The following POLR1B variants were observed in gnomAD, a reference collection of about 807,000 sequenced individuals.
POLR1B encodes the protein RNA polymerase I subunit B, also known as DNA-directed RNA polymerase I subunit RPA2.
A neutral mutation model predicts 105.8 loss-of-function variants in POLR1B; 30 were observed. That is an observed-to-expected ratio of 0.28 (90% confidence interval 0.21 to 0.38). The LOEUF (loss-of-function observed/expected upper bound fraction) is 0.38. POLR1B is among the 10% of genes least tolerant of loss of function. The probability of loss-of-function intolerance (pLI) is 1.00; values close to 1 mark genes in which losing one functional copy is unlikely to be tolerated. For synonymous variants in POLR1B, 485 were observed against 505.1 expected (o/e 0.96, Z 0.53); for missense variants, 976 against 1,435.8 (o/e 0.68, Z 5.17).
intron 11 of POLR1B, 53 bp from the exon 12 acceptor site, chr2:112,568,693 T>G (rs1269033920): frequency 6.3e-7 from 1 of 1,579,302 alleles, no homozygotes; most frequent in African/African-American, 1.3e-5. Flanking sequence ...ATGGTAAGAG[T>G]AAATGTGTAA....
rs1353878218 is a variant in POLR1B, at chr2:112,579,756, C to G, written c.*4027C>G. Among the ~76,000 whole-genome samples the G allele has an allele frequency of 6.6e-6, 1 of 152,086 alleles. No individual in the cohort carries two copies. Among genetic ancestry groups the G allele is most frequent in the Non-Finnish European group, 1.5e-5 (1 of 68,022 alleles). On this transcript the variant is annotated 3_prime_UTR_variant, in exon 15 of 15. Transcript: ENST00000263331. Reference sequence around the variant, plus strand: ...TTCATTTTTTAATTGGATTGTTTGTCTTCTTACTGTTGAATTTCAAGACTT... The same window carrying G: ...TTCATTTTTTAATTGGATTGTTTGTGTTCTTACTGTTGAATTTCAAGACTT...
At chr2:112,565,062 A>G (rs951465919) in intron 10 of POLR1B, among the ~76,000 whole-genome samples, 1 of 152,182 alleles carries the variant, frequency 6.6e-6, no homozygotes, top group Non-Finnish European at 1.5e-5. Context: ...TTTAAACTAA[A>G]TTTTAGTTTT....
rs1211259578 is a variant in POLR1B, at chr2:112,568,809, C to T, written c.1981C>T (p.Leu661Phe). ...VFAGVTTHQE[L>F]FPHSLLSVIA... Reference sequence around the variant, plus strand: ...TGCTGGAGTTACCACACACCAGGAACTCTTTCCACACAGCCTGCTGAGTGT... The same window carrying T: ...TGCTGGAGTTACCACACACCAGGAATTCTTTCCACACAGCCTGCTGAGTGT... The change falls in exon 12 of 15, where the codon CTC (leucine) becomes TTC (phenylalanine). Residue 661 changes from leucine (L) to phenylalanine (F), a missense_variant. By Grantham distance (22) the Leu-to-Phe change is conservative. Around this residue, in one of 12 missense-constraint regions of POLR1B, gnomAD observed 184 missense variants for 197.4 expected, o/e 0.93. Coordinates refer to ENST00000263331, the MANE Select transcript of POLR1B (RefSeq NM_019014.6). 1.4e-5 allele frequency: 22 copies of T among 1,614,168 alleles called. No homozygotes were observed. Among genetic ancestry groups the T allele is most frequent in the Non-Finnish European group, 1.6e-5 (19 of 1,179,976 alleles).
Position 112,577,454 on chromosome 2 carries a change from T to C in POLR1B, c.*1725T>C, listed in dbSNP as rs1261191925. 1.3e-5 allele frequency among the ~76,000 whole-genome samples: 2 copies of C among 152,010 alleles called. No homozygotes were observed. Among genetic ancestry groups the C allele is most frequent in the Non-Finnish European group, 2.9e-5 (2 of 67,966 alleles). On this transcript the variant is annotated 3_prime_UTR_variant, in exon 15 of 15. Coordinates refer to ENST00000263331, the MANE Select transcript of POLR1B (RefSeq NM_019014.6). ...GTCCCAGCTACTTGGGAGGCTGAGG[T>C]GGGAGGATTGCTTGAACCCAAGAGG...
In POLR1B at chr2:112,546,654, C is replaced by T. The variant is rs376297704; in HGVS notation, c.178-358C>T. On this transcript the variant is annotated intron_variant, in intron 1 of 14. Coordinates refer to ENST00000263331, the MANE Select transcript of POLR1B (RefSeq NM_019014.6). ...TCTGCTCACTGCAGGCTCTGCCTCC[C>T]GGGTTCACGCCATTCTCCTGCCTCA... Among the ~76,000 whole-genome samples the T allele has an allele frequency of 1.2e-3, 173 of 142,934 alleles. 1 individual carries two copies. Among genetic ancestry groups the T allele is most frequent in the African/African-American group, 4.1e-3 (159 of 38,728 alleles). 93.8% of individuals were successfully genotyped at this position (142,934 alleles called of 152,430 possible).
At chr2:112,573,442 ATG>A (rs1368772541) in intron 13 of POLR1B, 118 bp from the exon 14 acceptor site, 1 of 1,301,470 alleles carries the variant, frequency 7.7e-7, no homozygotes, top group African/African-American at 1.5e-5. Flanking sequence ...GATTTGGAAA[ATG>A]TGAGGAAAGT....
rs1683846506 is a variant in POLR1B at position 112,559,477 on chromosome 2, G to A, written c.1515G>A (p.Gly505=). 1 of 1,614,128 alleles carries A rather than the reference G, an allele frequency of 6.2e-7. No homozygotes were observed. The highest frequency in any genetic ancestry group is 1.1e-5 in the South Asian group (1 of 91,092). ...TTTGTCCCGTGCATACCCCAGACGG[G>A]GAGCCCTGTGGCCTGATGAACCACC... ...GFLCPVHTPD[G]EPCGLMNHLT... is the part of the protein sequence containing the mutation. Residue 505 remains glycine (G), a synonymous_variant, in exon 9 of 15, where the codon GGG becomes GGA. Coordinates refer to ENST00000263331, the MANE Select transcript of POLR1B (RefSeq NM_019014.6).
chr2:112,559,704 C>T, intron 9 of POLR1B, 130 bp downstream of exon 9: 1 of 1,083,402 alleles, frequency 9.2e-7, no homozygotes, highest in Non-Finnish European at 1.3e-6. Flanking sequence ...GATCTTGGCT[C>T]ACTGCAAGCT....
chr2:112,548,581 G>A (rs1036991495), intron 3 of POLR1B, among the ~76,000 whole-genome samples: 14 of 151,480 alleles, frequency 9.2e-5, no homozygotes, highest in Non-Finnish European at 1.6e-4. Flanking sequence ...AACCATACTC[G>A]TATGGAAGCA....
In POLR1B at chr2:112,578,241, G is replaced by A. The variant is rs1048350999; in HGVS notation, c.*2512G>A. On this transcript the variant is annotated 3_prime_UTR_variant, in exon 15 of 15. Coordinates refer to ENST00000263331, the MANE Select transcript of POLR1B (RefSeq NM_019014.6). ...AGTTCTATTTCATTTTATCACCTGT[G>A]TAGATGGATGAAAACAGCAACATAA... Among the ~76,000 whole-genome samples the A allele has an allele frequency of 6.6e-6, 1 of 152,142 alleles. No homozygotes were observed. Among genetic ancestry groups the A allele is most frequent in the Non-Finnish European group, 1.5e-5 (1 of 68,030 alleles).
chr2:112,564,575 C>A (rs1002484777), intron 10 of POLR1B, 76 bp downstream of exon 10: 1 of 1,590,270 alleles, frequency 6.3e-7, no homozygotes, highest in Non-Finnish European at 8.6e-7. Flanking sequence ...TTGGGGTTAA[C>A]CCCTGGGCGG....
chr2:112,552,674 A>G lies in POLR1B; in HGVS notation c.1016A>G (p.Asn339Ser), dbSNP rs762665288. 103 of 1,602,378 alleles carry G rather than the reference A, an allele frequency of 6.4e-5. 1 individual carries two copies. The highest frequency in any genetic ancestry group is 8.0e-5 in the Non-Finnish European group (94 of 1,175,590). Reference sequence around the variant, plus strand: ...TGCATCTGTATCCACTTGAAATCCAATACTGAAAAGTTTTATATGCTTTGT... The same window carrying G: ...TGCATCTGTATCCACTTGAAATCCAGTACTGAAAAGTTTTATATGCTTTGT... ...NQCICIHLKSNTEKFYMLCLM... is the reference protein window; with the variant it reads ...NQCICIHLKSSTEKFYMLCLM... The change falls in exon 7 of 15, where the codon AAT becomes AGT. Residue 339 changes from asparagine to serine, a missense_variant. Physicochemically the swap from Asn to Ser is conservative, Grantham distance 46. Around this residue, in one of 12 missense-constraint regions of POLR1B, gnomAD observed 452 missense variants for 616.5 expected, o/e 0.73. Coordinates refer to ENST00000263331, the MANE Select transcript of POLR1B (RefSeq NM_019014.6).
At chr2:112,569,919 A>C (rs1684506413) in intron 12 of POLR1B, among the ~76,000 whole-genome samples, 1 of 151,962 alleles carries the variant, frequency 6.6e-6, no homozygotes, top group African/African-American at 2.4e-5. Context: ...TTATTTTTAA[A>C]AACATTGCTC....
chr2:112,573,183 A>G (rs895642740), intron 13 of POLR1B, among the ~76,000 whole-genome samples: 11 of 152,108 alleles, frequency 7.2e-5, no homozygotes, highest in African/African-American at 2.2e-4. Flanking sequence ...GCTCACTGCA[A>G]CCTCCACCTT....
intron 4 of POLR1B, 146 bp from the exon 5 acceptor site, chr2:112,550,720 A>G: frequency 1.3e-6 from 1 of 762,344 alleles, no homozygotes; most frequent in Non-Finnish European, 2.1e-6. Flanking sequence ...GCTGAGGTTT[A>G]GAAACATTTT....
At chr2:112,564,120 T>C (rs1460390060) in intron 9 of POLR1B, among the ~76,000 whole-genome samples, 1 of 152,196 alleles carries the variant, frequency 6.6e-6, no homozygotes, top group African/African-American at 2.4e-5. Context: ...TTTGAAATAT[T>C]GCAAGAATTA....
chr2:112,548,908 G>T (rs372139225), intron 3 of POLR1B, among the ~76,000 whole-genome samples: 2 of 152,114 alleles, frequency 1.3e-5, no homozygotes, highest in East Asian at 3.9e-4. Context: ...CACCGCGCCC[G>T]GCCCAGTTTT....
rs1448188593 is a variant in POLR1B, at chr2:112,551,842, T to C, written c.830T>C (p.Phe277Ser). The C allele has an allele frequency of 6.2e-7, 1 of 1,614,194 alleles. No homozygotes were observed. Among genetic ancestry groups the C allele is most frequent in the Non-Finnish European group, 8.5e-7 (1 of 1,180,022 alleles). ...ELIKGKEDDS[F>S]LRNSVSQMLR... ...ATCAAAGGAAAAGAGGATGATTCTT[T>C]CCTTAGGAACTCTGTTTCTCAGATG... Residue 277 changes from phenylalanine to serine, a missense_variant, in exon 6 of 15, where the codon TTC becomes TCC. Around this residue, in one of 12 missense-constraint regions of POLR1B, gnomAD observed 452 missense variants for 616.5 expected, o/e 0.73. Coordinates refer to ENST00000263331, the MANE Select transcript of POLR1B (RefSeq NM_019014.6).
At chr2:112,565,350 A>T (rs1228537083) in intron 10 of POLR1B, among the ~76,000 whole-genome samples, 1 of 151,916 alleles carries the variant, frequency 6.6e-6, no homozygotes, top group Non-Finnish European at 1.5e-5. Context: ...TGTATACTCA[A>T]TTTTTTTCTT....
Sources: allele counts gnomAD v4.1 joint callset (sites outside exome capture counted in the v4.1 genomes callset), GRCh38; gene constraint gnomAD v4.1.1; regional missense constraint gnomAD v4.1.1; transcripts MANE v1.5; gene names NCBI Gene and HGNC (gene_info 2026-07-23, HGNC 2026-07-21).